Variants in MVB12A observed in about 807,000 individuals in gnomAD.
MVB12A encodes the protein multivesicular body subunit 12A.
Under a neutral mutation model 34.3 loss-of-function variants are expected in MVB12A, and 30 were observed. That is an observed-to-expected ratio of 0.88 (90% CI 0.65 to 1.19). The LOEUF is 1.19. MVB12A is among the 50% of genes most tolerant of loss of function. The pLI is 0.00. For missense variants in MVB12A, 355 were observed against 369.2 expected, an observed-to-expected ratio of 0.96 and a Z score of 0.31; for synonymous variants, 158 against 158.9, an observed-to-expected ratio of 0.99 and a Z score of 0.04.
At chr19:17,410,927 CA>C (rs777154734) in intron 2 of MVB12A, among the ~76,000 whole-genome samples, 67 of 86,480 alleles carry the variant, frequency 7.7e-4, no homozygotes, top group South Asian at 4.1e-3. Context: ...GACTCTGTCT[CA>C]AAAAAAAAAA....
Position 17,410,535 on chromosome 19 carries a change from CACACAT to C in MVB12A, c.-5+4241_-5+4246del, listed in dbSNP as rs1433827095. On this transcript the variant is annotated intron_variant, in intron 2 of 6. Coordinates refer to the MVB12A transcript ENST00000528604. ...ATATATATATATATATATATACACA[CACACAT>C]ATATATATACACACACATATATATA... 9.2e-5 allele frequency among the ~76,000 whole-genome samples: 6 copies of C among 65,318 alleles called. 1 individual carries two copies. Among genetic ancestry groups the C allele is most frequent in the African/African-American group, 4.6e-4 (6 of 12,940 alleles). The allele number at this position is 65,318 out of a possible 152,430, so 42.9% of individuals were successfully genotyped here.
rs772536267 is a variant in MVB12A at position 17,423,564 on chromosome 19, A to C, written c.480A>C (p.Arg160=). 7 of 1,613,968 alleles carry C rather than the reference A, an allele frequency of 4.3e-6. No individual in the cohort carries two copies. Among genetic ancestry groups the C allele is most frequent in the African/African-American group, 1.3e-5 (1 of 74,922 alleles). The change falls in exon 5 of 9, where the codon CGA becomes CGC. Residue 160 remains arginine, a synonymous_variant. Coordinates refer to ENST00000317040, the MANE Select transcript of MVB12A (RefSeq NM_138401.4). ...AKAPRPVPKP[R]GLSRDMQGLS... ...CCCCGAGGCCAGTGCCCAAGCCCCG[A>C]GGTCTCAGCCGGGACATGCAGGGCC...
intron 2 of MVB12A, among the ~76,000 whole-genome samples, chr19:17,409,943 G>C (rs776082684): frequency 6.6e-6 from 1 of 151,092 alleles, no homozygotes; most frequent in Non-Finnish European, 1.5e-5. Flanking sequence ...ATTTTTAGTA[G>C]AGACGGGGTT....
Position 17,423,538 on chromosome 19 carries a change from G to GC in MVB12A, c.458dup (p.Arg154GlufsTer26). 1.2e-6 allele frequency: 2 copies of GC among 1,613,760 alleles called. No individual in the cohort carries two copies. The highest frequency in any genetic ancestry group is 1.7e-6 in the Non-Finnish European group (2 of 1,180,016). ...TGCCATCTGGTGCAAGAAGGCCAAGGCCCCGAGGCCAGTGCCCAAGCCCCG... is the reference window on the plus strand; with the variant it reads ...TGCCATCTGGTGCAAGAAGGCCAAGGCCCCCGAGGCCAGTGCCCAAGCCCCG... On this transcript the variant is annotated frameshift_variant, in exon 5 of 9. Coordinates refer to ENST00000317040, the MANE Select transcript of MVB12A (RefSeq NM_138401.4). LOFTEE classifies it high-confidence loss of function.
At chr19:17,405,872 G>A (rs569236082) in intron 1 of MVB12A, 4 of 330,182 alleles carry the variant, frequency 1.2e-5, no homozygotes, top group African/African-American at 6.4e-5. Context: ...AAGTCCCTGT[G>A]CCTCTGCTGT....
intron 3 of MVB12A, among the ~76,000 whole-genome samples, chr19:17,421,744 C>G (rs1286905074): frequency 6.6e-6 from 1 of 151,828 alleles, no homozygotes; most frequent in Admixed American, 6.6e-5. Flanking sequence ...GAGTTCCAGA[C>G]CAGCCTGGCC....
chr19:17,418,240 T>A (rs1413123379), upstream of MVB12A: 1 of 183,364 alleles, frequency 5.5e-6, no homozygotes, highest in African/African-American at 2.3e-5. Context: ...ACAAAAAAAC[T>A]ATAAGCAGAC....
At chr19:17,419,001 C>A (rs2074819305), upstream of MVB12A, 1 of 150,560 alleles carries the variant, frequency 6.6e-6, no homozygotes, top group African/African-American at 2.4e-5. Flanking sequence ...CCCTAAATCA[C>A]CACAAACTGG....
At chr19:17,420,817 A>C (rs1030298927) in intron 3 of MVB12A, 183 bp downstream of exon 3, 2 of 640,892 alleles carry the variant, frequency 3.1e-6, no homozygotes, top group African/African-American at 1.8e-5. Context: ...TCCTGATTCA[A>C]AATGTGTGAT....
chr19:17,425,138 C>A lies in MVB12A; in HGVS notation c.*145C>A. 1 of 600,820 alleles carries A rather than the reference C, an allele frequency of 1.7e-6. No individual in the cohort carries two copies. Among genetic ancestry groups the A allele is most frequent in the Non-Finnish European group, 2.9e-6 (1 of 339,230 alleles). 37.2% of individuals were successfully genotyped at this position (600,820 alleles called of 1,614,324 possible). A position where few individuals can be genotyped will look rare whatever the true frequency, so the allele number is the denominator to read the frequency against. Reference sequence around the variant, plus strand: ...GCAAGGCGTTTGCTATCTTCAGCCACTGGGCGGAGCTGCAGCCCTGGAGGA... The same window carrying A: ...GCAAGGCGTTTGCTATCTTCAGCCAATGGGCGGAGCTGCAGCCCTGGAGGA... On this transcript the variant is annotated 3_prime_UTR_variant, in exon 9 of 9. Transcript: ENST00000317040.
At chr19:17,408,852 G>A (rs1308437971) in intron 2 of MVB12A, among the ~76,000 whole-genome samples, 8 of 134,814 alleles carry the variant, frequency 5.9e-5, no homozygotes, top group Non-Finnish European at 1.3e-4. Context: ...TTTTTTGAGA[G>A]GGAATCTCTC....
chr19:17,407,875 G>T (rs776245464), intron 2 of MVB12A, among the ~76,000 whole-genome samples: 1 of 152,194 alleles, frequency 6.6e-6, no homozygotes, highest in Non-Finnish European at 1.5e-5. Flanking sequence ...TTTCGCTACC[G>T]CTAGACCACT....
upstream of MVB12A, chr19:17,417,770 CT>C: frequency 4.3e-6 from 1 of 232,622 alleles, no homozygotes. Context: ...TCCTAGTGTA[CT>C]TTATCCGCCT....
upstream of MVB12A, chr19:17,419,912 A>T: frequency 2.5e-6 from 1 of 392,604 alleles, no homozygotes. Flanking sequence ...ATCATCGCTC[A>T]CGCGCGCAAC....
At chr19:17,417,105 A>G (rs1008968267), upstream of MVB12A, 10 of 352,912 alleles carry the variant, frequency 2.8e-5, no homozygotes, top group Admixed American at 6.0e-5. Flanking sequence ...TTTCCTTTCA[A>G]CTTACAGTCA....
upstream of MVB12A, among the ~76,000 whole-genome samples, chr19:17,416,656 T>C (rs1192123153): frequency 6.7e-6 from 1 of 149,498 alleles, no homozygotes; most frequent in East Asian, 2.0e-4. Context: ...TGACCTCAAG[T>C]GATCCGTCCA....
At chr19:17,411,302 A>G (rs2074767787) in intron 2 of MVB12A, among the ~76,000 whole-genome samples, 1 of 152,024 alleles carries the variant, frequency 6.6e-6, no homozygotes, top group South Asian at 2.1e-4. Context: ...ATTTGCAGAA[A>G]AAAAACAGTG....
intron 2 of MVB12A, among the ~76,000 whole-genome samples, chr19:17,408,113 T>C (rs1239457423): frequency 6.6e-6 from 1 of 152,210 alleles, no homozygotes. Flanking sequence ...TACTACAAAC[T>C]AATGATTAAT....
chr19:17,424,019 T>C lies in MVB12A; in HGVS notation c.654T>C (p.Val218=). ...CGTGTTTTTCAGCCATGGATGGGGT[T>C]CCCTTCACACTCCACCCACGATTTG... ...SLYGISAMDG[V]PFTLHPRFEG... Residue 218 remains valine, a synonymous_variant, in exon 7 of 9, where the codon GTT becomes GTC. Transcript: ENST00000317040. 1 of 1,614,110 alleles carries C rather than the reference T, an allele frequency of 6.2e-7. No homozygotes were observed. Among genetic ancestry groups the C allele is most frequent in the Middle Eastern group, 1.6e-4 (1 of 6,062 alleles).
Sources: allele counts gnomAD v4.1 joint callset (sites outside exome capture counted in the v4.1 genomes callset), GRCh38; gene constraint gnomAD v4.1.1; transcripts MANE v1.5; gene names NCBI Gene and HGNC (gene_info 2026-07-23, HGNC 2026-07-21).